The following MAGI2 variants were observed in gnomAD, a reference collection of about 807,000 sequenced individuals.
MAGI2 encodes the protein membrane-associated guanylate kinase, WW and PDZ domain-containing protein 2.
Under a neutral mutation model 133.3 loss-of-function variants are expected in MAGI2, and 35 were observed. The ratio of observed to expected loss-of-function variants is 0.26; its 90% CI spans 0.20 to 0.35. The LOEUF (loss-of-function observed/expected upper bound fraction) is 0.35, where lower values mean the gene tolerates loss of function less well. Among genes scored for constraint, MAGI2 ranks in the 10% least tolerant of loss-of-function variants. The pLI, the probability that MAGI2 is intolerant of heterozygous loss-of-function variation, is 1.00. For missense variants in MAGI2, 1,636 were observed against 1,863.4 expected (o/e 0.88, Z 2.25); for synonymous variants, 729 against 710.6 (o/e 1.03, Z -0.41).
chr7:78,094,720 C>T (rs563204440), intron 20 of MAGI2, among the ~76,000 whole-genome samples: 2 of 152,304 alleles, frequency 1.3e-5, no homozygotes, highest in South Asian at 4.1e-4. Context: ...ATTTATTTTT[C>T]CAATAACTGC....
At chr7:78,424,113 GA>G (rs2151415029) in intron 6 of MAGI2, among the ~76,000 whole-genome samples, 1 of 152,254 alleles carries the variant, frequency 6.6e-6, no homozygotes, top group East Asian at 1.9e-4. Context: ...AGGCCTAGGA[GA>G]AAATGGTTTT....
intron 1 of MAGI2, among the ~76,000 whole-genome samples, chr7:79,186,877 A>G (rs906246762): frequency 6.7e-6 from 1 of 150,258 alleles, no homozygotes; most frequent in Non-Finnish European, 1.5e-5. Flanking sequence ...TTCAGTTTAT[A>G]TCACATTAAA....
intron 1 of MAGI2, among the ~76,000 whole-genome samples, chr7:79,435,813 T>C (rs1473878787): frequency 2.6e-5 from 4 of 152,170 alleles, no homozygotes; most frequent in Non-Finnish European, 5.9e-5. Context: ...AGAGCAATCC[T>C]AAGCCAAAAG....
intron 3 of MAGI2, among the ~76,000 whole-genome samples, chr7:78,610,305 G>A (rs961146099): frequency 6.6e-6 from 1 of 152,172 alleles, no homozygotes; most frequent in Non-Finnish European, 1.5e-5. Flanking sequence ...AGGACAGGCT[G>A]ACTTGGTTTC....
intron 1 of MAGI2, among the ~76,000 whole-genome samples, chr7:79,122,313 T>C (rs1819974008): frequency 6.6e-6 from 1 of 152,198 alleles, no homozygotes; most frequent in South Asian, 2.1e-4. Flanking sequence ...CTATCAGTCA[T>C]TCATTAAGAC....
intron 1 of MAGI2, among the ~76,000 whole-genome samples, chr7:79,368,584 C>T (rs1256136307): frequency 6.6e-6 from 1 of 152,062 alleles, no homozygotes; most frequent in African/African-American, 2.4e-5. Flanking sequence ...CGCGGTGGCT[C>T]ACGCCTGTAA....
intron 21 of MAGI2, among the ~76,000 whole-genome samples, chr7:78,052,353 C>G (rs1316098814): frequency 2.0e-5 from 3 of 152,144 alleles, no homozygotes; most frequent in Non-Finnish European, 4.4e-5. Flanking sequence ...GGCACCCCCT[C>G]CTCTTTCTTG....
At chr7:78,503,252 A>G (rs377673067) in intron 4 of MAGI2, among the ~76,000 whole-genome samples, 1 of 152,152 alleles carries the variant, frequency 6.6e-6, no homozygotes, top group African/African-American at 2.4e-5. Flanking sequence ...ATGCTCTCCA[A>G]GTATCTTATC....
intron 6 of MAGI2, among the ~76,000 whole-genome samples, chr7:78,408,196 C>G (rs1797561635): frequency 6.6e-6 from 1 of 151,954 alleles, no homozygotes; most frequent in Admixed American, 6.6e-5. Flanking sequence ...AATTGACACT[C>G]TGAACTACTG....
At chr7:78,543,492 C>T (rs1244697583) in intron 3 of MAGI2, among the ~76,000 whole-genome samples, 1 of 152,150 alleles carries the variant, frequency 6.6e-6, no homozygotes, top group Non-Finnish European at 1.5e-5. Context: ...GACATAAATG[C>T]AAATTAGAGT....
chr7:79,273,317 T>G (rs1015790903), intron 1 of MAGI2, among the ~76,000 whole-genome samples: 1 of 152,122 alleles, frequency 6.6e-6, no homozygotes, highest in African/African-American at 2.4e-5. Flanking sequence ...GTACTGAATC[T>G]CTAATTTAGA....
At chr7:78,736,555 G>A (rs1367402254) in intron 2 of MAGI2, among the ~76,000 whole-genome samples, 1 of 152,164 alleles carries the variant, frequency 6.6e-6, no homozygotes, top group African/African-American at 2.4e-5. Flanking sequence ...CATGTAGTGT[G>A]TAGACCCCTG....
At chr7:79,308,574 A>G (rs1441517124) in intron 1 of MAGI2, among the ~76,000 whole-genome samples, 1 of 152,222 alleles carries the variant, frequency 6.6e-6, no homozygotes, top group Non-Finnish European at 1.5e-5. Flanking sequence ...ACAAACAAAT[A>G]AAAGAACAAG....
intron 6 of MAGI2, among the ~76,000 whole-genome samples, chr7:78,372,061 G>GGTAC (rs10646175): frequency 0.82 from 124,687 of 151,736 alleles, 51,353 homozygotes; most frequent in Admixed American, 0.86. Flanking sequence ...TGTTTAAAAA[G>GGTAC]TTGTATGTAT....
chr7:79,299,570 A>AAAAAAAAAAG, intron 1 of MAGI2, among the ~76,000 whole-genome samples: 1 of 150,980 alleles, frequency 6.6e-6, no homozygotes, highest in Non-Finnish European at 1.5e-5. Context: ...AAAAAAAAAA[A>AAAAAAAAAAG]AAAGATATCT....
intron 10 of MAGI2, chr7:78,252,941 C>CAAAAA (rs752962551): frequency 1.2e-5 from 1 of 83,826 alleles, no homozygotes; most frequent in Non-Finnish European, 2.4e-5. Context: ...ACTCTGTCTC[C>CAAAAA]AAAAAAAAAA....
At chr7:78,664,500 C>A (rs1813326578) in intron 2 of MAGI2, among the ~76,000 whole-genome samples, 1 of 151,838 alleles carries the variant, frequency 6.6e-6, no homozygotes, top group African/African-American at 2.4e-5. Context: ...ATTGAAAGAA[C>A]TTTCATAGAT....
At chr7:78,501,870 T>A in intron 4 of MAGI2, 83 bp from the exon 5 acceptor site, 1 of 970,016 alleles carries the variant, frequency 1.0e-6, no homozygotes, top group Non-Finnish European at 1.6e-6. Flanking sequence ...TACCAGGGAA[T>A]AAACGTCATG....
rs112880130 is a variant in MAGI2, at chr7:79,024,740, G to A, written c.302-17534C>T. 1.3e-3 allele frequency among the ~76,000 whole-genome samples: 192 copies of A among 151,970 alleles called. 2 individuals carry two copies. The highest frequency in any genetic ancestry group is 2.0e-3 in the Non-Finnish European group (137 of 67,902). ...AAGAAGACATATGCATGGACAACAA[G>A]CACATGAAAAAAAGCTCAATATCAC... is the stretch of plus-strand genomic sequence containing the variant. On this transcript the variant is annotated intron_variant, in intron 1 of 21. Transcript: ENST00000354212.
Sources: allele counts gnomAD v4.1 joint callset (sites outside exome capture counted in the v4.1 genomes callset), GRCh38; gene constraint gnomAD v4.1.1; transcripts MANE v1.5; gene names NCBI Gene and HGNC (gene_info 2026-07-23, HGNC 2026-07-21).